CCSER1: variants seen among roughly 807,000 people sequenced by gnomAD.
The protein encoded by CCSER1 is serine-rich coiled-coil domain-containing protein 1.
A neutral mutation model predicts 82.0 loss-of-function variants in CCSER1; 41 were observed. The observed-to-expected ratio is 0.50, with a 90% CI of 0.39 to 0.65. The LOEUF is 0.65. Among genes scored for constraint, CCSER1 ranks in the 30% least tolerant of loss-of-function variants. The probability of loss-of-function intolerance (pLI) is 0.00; values close to 1 mark genes in which losing one functional copy is unlikely to be tolerated. For synonymous variants in CCSER1, 414 were observed against 383.9 expected, an observed-to-expected ratio of 1.08 and a Z score of -0.92; for missense variants, 1,119 against 1,064.2, an observed-to-expected ratio of 1.05 and a Z score of -0.72.
intron 1 of CCSER1, among the ~76,000 whole-genome samples, chr4:90,276,681 T>G (rs750232148): frequency 6.6e-6 from 1 of 152,108 alleles, no homozygotes; most frequent in Non-Finnish European, 1.5e-5. Flanking sequence ...TGAAGAGTTC[T>G]CTTTCATAAA....
chr4:90,610,395 A>G (rs978213148), intron 5 of CCSER1, among the ~76,000 whole-genome samples: 1 of 152,198 alleles, frequency 6.6e-6, no homozygotes, highest in Non-Finnish European at 1.5e-5. Flanking sequence ...GTCATGCCCA[A>G]TCTTCTTGTC....
At position 91,594,390 on chromosome 4, in the gene CCSER1, TACATATATAC is replaced by T. The variant is rs1201645495; in HGVS notation, c.2218-4162_2218-4153del. 1.5e-3 allele frequency among the ~76,000 whole-genome samples: 205 copies of T among 139,020 alleles called. 1 individual carries two copies. Among genetic ancestry groups the T allele is most frequent in the East Asian group, 4.0e-3 (20 of 4,974 alleles). 91.2% of individuals were successfully genotyped at this position (139,020 alleles called of 152,430 possible). A position where few individuals can be genotyped will look rare whatever the true frequency, so the allele number is the denominator to read the frequency against. ...ATACACATATATATACACACATATA[TACATATATAC>T]ACATATATACACATATATATACATA... On this transcript the variant is annotated intron_variant, in intron 10 of 10. Coordinates refer to ENST00000509176, the MANE Select transcript of CCSER1 (RefSeq NM_001145065.2).
rs115076519 is a variant in CCSER1, at chr4:90,830,230, A to G, written c.2094+14385A>G. On this transcript the variant is annotated intron_variant, in intron 8 of 10. Coordinates refer to ENST00000509176, the MANE Select transcript of CCSER1 (RefSeq NM_001145065.2). ...AAATAATTGTTCATACTATGTGTCAATATTATGCTATGCCATTTACTTGTG... is the reference window on the plus strand; with the variant it reads ...AAATAATTGTTCATACTATGTGTCAGTATTATGCTATGCCATTTACTTGTG... 1.5e-3 allele frequency among the ~76,000 whole-genome samples: 229 copies of G among 152,308 alleles called. 1 individual carries two copies. In the East Asian group the frequency reaches 0.021, roughly 14 times the overall value.
intron 6 of CCSER1, among the ~76,000 whole-genome samples, chr4:90,650,275 C>T (rs1320390455): frequency 2.0e-5 from 3 of 151,568 alleles, no homozygotes; most frequent in Admixed American, 1.3e-4. Context: ...AAAGTGAAAA[C>T]GAGGAAGAAT....
At chr4:90,140,657 C>CATTTTT (rs1724576994) in intron 1 of CCSER1, among the ~76,000 whole-genome samples, 1 of 63,602 alleles carries the variant, frequency 1.6e-5, no homozygotes, top group African/African-American at 6.8e-5. Flanking sequence ...TTTTGGTCTA[C>CATTTTT]TTTTTTTTTT....
chr4:91,158,614 C>A (rs1289372376), intron 10 of CCSER1, among the ~76,000 whole-genome samples: 3 of 140,804 alleles, frequency 2.1e-5, no homozygotes, highest in Non-Finnish European at 4.5e-5. Context: ...CTCTCTCCCT[C>A]TCTTTCTGTG....
At chr4:90,616,946 C>T (rs1407230935) in intron 5 of CCSER1, among the ~76,000 whole-genome samples, 1 of 152,086 alleles carries the variant, frequency 6.6e-6, no homozygotes, top group Non-Finnish European at 1.5e-5. Context: ...AGGACTCACA[C>T]TCTGGAGCCA....
intron 5 of CCSER1, among the ~76,000 whole-genome samples, chr4:90,564,717 A>G (rs144102905): frequency 6.6e-6 from 1 of 151,484 alleles, no homozygotes; most frequent in African/African-American, 2.4e-5. Context: ...GTGAGATAAG[A>G]GTCTAATTCA....
intron 5 of CCSER1, among the ~76,000 whole-genome samples, chr4:90,507,996 T>G (rs974603690): frequency 6.6e-6 from 1 of 152,070 alleles, no homozygotes; most frequent in African/African-American, 2.4e-5. Flanking sequence ...TTTTCATAAA[T>G]GTAACCGATA....
chr4:90,838,622 G>A (rs1309825174), intron 8 of CCSER1, among the ~76,000 whole-genome samples: 1 of 151,338 alleles, frequency 6.6e-6, no homozygotes, highest in Non-Finnish European at 1.5e-5. Flanking sequence ...GGGCCAGCTT[G>A]GTTTTACTCT....
chr4:90,168,923 T>G (rs1731066424), intron 1 of CCSER1, among the ~76,000 whole-genome samples: 1 of 151,516 alleles, frequency 6.6e-6, no homozygotes, highest in South Asian at 2.1e-4. Flanking sequence ...GCCTCCAGCT[T>G]TATTCTTTTG....
intron 10 of CCSER1, among the ~76,000 whole-genome samples, chr4:91,159,633 C>T (rs1377930286): frequency 1.3e-5 from 2 of 151,756 alleles, no homozygotes; most frequent in East Asian, 3.9e-4. Flanking sequence ...AAATATTTTC[C>T]TTACATTCTT....
chr4:90,725,156 G>T, intron 7 of CCSER1: 1 of 205,154 alleles, frequency 4.9e-6, no homozygotes, highest in South Asian at 7.3e-5. Context: ...TGATGTTACC[G>T]TTTTATGGTA....
chr4:91,272,462 A>G (rs1742110508), intron 10 of CCSER1, among the ~76,000 whole-genome samples: 1 of 151,784 alleles, frequency 6.6e-6, no homozygotes, highest in African/African-American at 2.4e-5. Flanking sequence ...TTTTCTTGCT[A>G]ATAAGTTTGA....
chr4:90,408,524 G>A (rs187502378), intron 4 of CCSER1, among the ~76,000 whole-genome samples: 99 of 152,324 alleles, frequency 6.5e-4, no homozygotes, highest in Admixed American at 5.1e-3. Flanking sequence ...GGCAAACAGG[G>A]TCTGGAGTGG....
intron 1 of CCSER1, among the ~76,000 whole-genome samples, chr4:90,302,824 CAA>C (rs1560982653): frequency 6.6e-6 from 1 of 150,778 alleles, no homozygotes; most frequent in African/African-American, 2.4e-5. Flanking sequence ...CAAAACAAAA[CAA>C]AACAAAAAGG....
chr4:91,375,677 TC>T (rs1273700477), intron 10 of CCSER1, among the ~76,000 whole-genome samples: 2 of 152,092 alleles, frequency 1.3e-5, no homozygotes, highest in Non-Finnish European at 2.9e-5. Flanking sequence ...AGTAAAAGAA[TC>T]CCTTTTACTT....
intron 5 of CCSER1, among the ~76,000 whole-genome samples, chr4:90,553,040 G>A (rs1023705645): frequency 2.7e-5 from 4 of 148,632 alleles, no homozygotes; most frequent in African/African-American, 7.5e-5. Context: ...GTACAATCTC[G>A]GCTCACTGCA....
At chr4:91,070,119 G>T (rs185246288) in intron 9 of CCSER1, among the ~76,000 whole-genome samples, 2 of 151,744 alleles carry the variant, frequency 1.3e-5, no homozygotes, top group African/African-American at 2.4e-5. Context: ...CAAGTAGCTG[G>T]GATTACAGGT....
Sources: allele counts gnomAD v4.1 joint callset (sites outside exome capture counted in the v4.1 genomes callset), GRCh38; gene constraint gnomAD v4.1.1; transcripts MANE v1.5; gene names NCBI Gene and HGNC (gene_info 2026-07-23, HGNC 2026-07-21).